ADGRA3: variants seen among roughly 807,000 people sequenced by gnomAD.
ADGRA3 encodes G-protein coupled receptor 125.
Under a neutral mutation model 119.8 loss-of-function variants are expected in ADGRA3, and 56 were observed. The observed-to-expected ratio is 0.47, with a 90% CI of 0.38 to 0.58. The LOEUF (loss-of-function observed/expected upper bound fraction) is 0.58, where lower values mean the gene tolerates loss of function less well. Ranked by LOEUF, ADGRA3 falls within the 20% of genes least tolerant of loss-of-function variation. The pLI is 0.00. For missense variants in ADGRA3, 1,516 were observed against 1,649.0 expected (o/e 0.92, Z 1.40); for synonymous variants, 607 against 623.8 (o/e 0.97, Z 0.40).
intron 2 of ADGRA3, among the ~76,000 whole-genome samples, chr4:22,466,767 T>A (rs1166294479): frequency 6.6e-6 from 1 of 151,996 alleles, no homozygotes; most frequent in East Asian, 1.9e-4. Context: ...TGGCATCTCT[T>A]ATCACGCTGT....
intron 1 of ADGRA3, among the ~76,000 whole-genome samples, chr4:22,485,226 C>T (rs1235502145): frequency 6.6e-6 from 1 of 152,126 alleles, no homozygotes; most frequent in Admixed American, 6.5e-5. Context: ...GGATCATAGA[C>T]ATGGGCCACC....
Position 22,464,067 on chromosome 4 carries a change from C to T in ADGRA3, c.330-2259G>A, listed in dbSNP as rs79118381. Among the ~76,000 whole-genome samples, 805 of 152,292 alleles carry T rather than the reference C, an allele frequency of 5.3e-3. 1 individual carries two copies. Among genetic ancestry groups the T allele is most frequent in the Non-Finnish European group, 7.7e-3 (522 of 68,020 alleles). On this transcript the variant is annotated intron_variant, in intron 2 of 18. Coordinates refer to ENST00000334304, the MANE Select transcript of ADGRA3 (RefSeq NM_145290.4). ...GGACTGCAATTCTACCACCTCCCCACAATCAGAGCCAGGTTTTTCTAAATA... is the reference window on the plus strand; with the variant it reads ...GGACTGCAATTCTACCACCTCCCCATAATCAGAGCCAGGTTTTTCTAAATA...
At chr4:22,444,415 A>G (rs1305603507) in intron 6 of ADGRA3, among the ~76,000 whole-genome samples, 3 of 152,064 alleles carry the variant, frequency 2.0e-5, no homozygotes, top group Admixed American at 6.6e-5. Context: ...CCTCTCGAGT[A>G]GCTGAAATTA....
At chr4:22,511,635 A>G (rs1719449022) in intron 1 of ADGRA3, among the ~76,000 whole-genome samples, 1 of 152,144 alleles carries the variant, frequency 6.6e-6, no homozygotes, top group African/African-American at 2.4e-5. Flanking sequence ...GACTCAGCTG[A>G]AAACACCTGG....
chr4:22,429,924 A>T (rs1462992), intron 10 of ADGRA3, among the ~76,000 whole-genome samples: 1 of 152,132 alleles, frequency 6.6e-6, no homozygotes, highest in African/African-American at 2.4e-5. Context: ...ACAATTCCCA[A>T]GTGTTGTGAG....
At chr4:22,441,004 A>G (rs919633791) in intron 7 of ADGRA3, among the ~76,000 whole-genome samples, 7 of 152,178 alleles carry the variant, frequency 4.6e-5, no homozygotes, top group African/African-American at 1.4e-4. Context: ...TAAAATGACA[A>G]TCATTTGAAC....
intron 4 of ADGRA3, among the ~76,000 whole-genome samples, chr4:22,453,118 G>A (rs1449894731): frequency 3.3e-5 from 5 of 150,954 alleles, no homozygotes; most frequent in African/African-American, 1.2e-4. Context: ...AGAGAATGGC[G>A]TGAACCCGGG....
intron 4 of ADGRA3, 102 bp from the exon 5 acceptor site, chr4:22,447,613 T>A: frequency 1.5e-6 from 1 of 648,788 alleles, no homozygotes; most frequent in Non-Finnish European, 2.6e-6. Flanking sequence ...AATAATGTTG[T>A]AAAGAACTCA....
At chr4:22,435,168 C>G (rs1716343856) in intron 10 of ADGRA3, 143 bp downstream of exon 10, 4 of 688,714 alleles carry the variant, frequency 5.8e-6, no homozygotes, top group Non-Finnish European at 9.8e-6. Flanking sequence ...GCAGAAGTAT[C>G]TCAATAAAAT....
At chr4:22,444,682 G>T (rs575996153) in intron 6 of ADGRA3, among the ~76,000 whole-genome samples, 2 of 151,940 alleles carry the variant, frequency 1.3e-5, no homozygotes, top group African/African-American at 4.8e-5. Context: ...ACAAATTCAC[G>T]AGTTGCCAAC....
intron 3 of ADGRA3, among the ~76,000 whole-genome samples, chr4:22,459,792 C>T (rs1717377367): frequency 6.6e-6 from 1 of 152,136 alleles, no homozygotes; most frequent in African/African-American, 2.4e-5. Context: ...ATCTTTTGTC[C>T]CTGGTCTCCC....
chr4:22,511,895 C>CTTTTTTTTTTTTT (rs5856700), intron 1 of ADGRA3, among the ~76,000 whole-genome samples: 32 of 102,612 alleles, frequency 3.1e-4, no homozygotes, highest in Non-Finnish European at 3.7e-4. Context: ...TTCTTTCTTT[C>CTTTTTTTTTTTTT]TTTTTTTTTT....
At chr4:22,487,912 G>A (rs1718489610) in intron 1 of ADGRA3, among the ~76,000 whole-genome samples, 1 of 152,182 alleles carries the variant, frequency 6.6e-6, no homozygotes, top group South Asian at 2.1e-4. Flanking sequence ...AGGCGCCTGG[G>A]AAGCAAAAGG....
At chr4:22,462,356 C>A (rs571189498) in intron 2 of ADGRA3, among the ~76,000 whole-genome samples, 67 of 152,222 alleles carry the variant, frequency 4.4e-4, no homozygotes, top group African/African-American at 1.5e-3. Flanking sequence ...CTCTGTCACC[C>A]AGGCTGGAGT....
Position 22,392,657 on chromosome 4 carries a change from T to C in ADGRA3, c.2515A>G (p.Thr839Ala). The change falls in exon 17 of 19, where the codon ACA becomes GCA. Residue 839 changes from threonine (T) to alanine (A), a missense_variant. Transcript: ENST00000334304. ...GCTGTCACTCCTACCCATAGTACTG[T>C]GGCAAGGGTGGAATAGTGAAGAATT... is the stretch of plus-strand genomic sequence containing the variant. The part of the protein sequence containing the change: ...GIILHYSTLA[T>A]VLWVGVTARN... The C allele has an allele frequency of 6.2e-7, 1 of 1,613,754 alleles. No individual in the cohort carries two copies. The highest frequency in any genetic ancestry group is 1.1e-5 in the South Asian group (1 of 91,054).
intron 8 of ADGRA3, among the ~76,000 whole-genome samples, chr4:22,436,885 A>G (rs948471413): frequency 2.0e-5 from 3 of 152,190 alleles, no homozygotes; most frequent in Non-Finnish European, 2.9e-5. Context: ...CCACTAAATG[A>G]CAGTATCAGT....
At chr4:22,438,679 T>G (rs1716492435) in intron 7 of ADGRA3, among the ~76,000 whole-genome samples, 1 of 152,138 alleles carries the variant, frequency 6.6e-6, no homozygotes, top group Non-Finnish European at 1.5e-5. Flanking sequence ...ATACGACGCA[T>G]GAGAATTCTC....
At chr4:22,454,191 T>C (rs1182902896) in intron 4 of ADGRA3, among the ~76,000 whole-genome samples, 1 of 152,142 alleles carries the variant, frequency 6.6e-6, no homozygotes, top group Non-Finnish European at 1.5e-5. Context: ...AAAAAAGATA[T>C]AAACATACTT....
At chr4:22,508,911 T>C (rs1327423109) in intron 1 of ADGRA3, among the ~76,000 whole-genome samples, 2 of 152,154 alleles carry the variant, frequency 1.3e-5, no homozygotes, top group Non-Finnish European at 2.9e-5. Flanking sequence ...TGCCTAGATA[T>C]CTTTGAGAAA....
Sources: allele counts gnomAD v4.1 joint callset (sites outside exome capture counted in the v4.1 genomes callset), GRCh38; gene constraint gnomAD v4.1.1; transcripts MANE v1.5; gene names NCBI Gene and HGNC (gene_info 2026-07-23, HGNC 2026-07-21).